Variants in ANK3 observed in about 807,000 individuals in gnomAD.
ANK3 encodes ankyrin-3.
Under a neutral mutation model 370.9 loss-of-function variants are expected in ANK3, and 57 were observed. The ratio of observed to expected loss-of-function variants is 0.15; its 90% CI spans 0.12 to 0.19. The LOEUF (loss-of-function observed/expected upper bound fraction) is 0.19. ANK3 is among the 10% of genes least tolerant of loss of function. ANK3 has a pLI of 1.00. For synonymous variants in ANK3, 1,929 were observed against 1,946.3 expected, an observed-to-expected ratio of 0.99 and a Z score of 0.23; for missense variants, 4,439 against 5,302.1, an observed-to-expected ratio of 0.84 and a Z score of 5.06.
At chr10:60,453,689 C>G (rs2064669487) in intron 2 of ANK3, among the ~76,000 whole-genome samples, 1 of 151,900 alleles carries the variant, frequency 6.6e-6, no homozygotes. Context: ...GACACTGGAC[C>G]AAACTGATAG....
intron 1 of ANK3, among the ~76,000 whole-genome samples, chr10:60,289,541 T>A (rs2040855808): frequency 6.6e-6 from 1 of 151,846 alleles, no homozygotes. Flanking sequence ...GCCTTCCAAG[T>A]AGTTGGCACC....
At chr10:60,123,122 G>A (rs10733758) in intron 25 of ANK3, among the ~76,000 whole-genome samples, 103,324 of 152,014 alleles carry the variant, frequency 0.68, 36,072 homozygotes, top group East Asian at 0.93. Flanking sequence ...TAGGCAATAC[G>A]AAGTCAACAC....
chr10:60,415,653 A>G (rs2063646591), intron 2 of ANK3, among the ~76,000 whole-genome samples: 1 of 152,122 alleles, frequency 6.6e-6, no homozygotes, highest in African/African-American at 2.4e-5. Context: ...GTTATACTCA[A>G]ATGAACCTGT....
At chr10:60,435,944 G>A (rs1461880665) in intron 2 of ANK3, among the ~76,000 whole-genome samples, 1 of 152,144 alleles carries the variant, frequency 6.6e-6, no homozygotes, top group East Asian at 1.9e-4. Flanking sequence ...AAAATTAGCC[G>A]GGCGCAGTGG....
rs559224951 is a variant in ANK3 at position 60,369,194 on chromosome 10, A to G, written c.114+20231T>C. On this transcript the variant is annotated intron_variant, in intron 1 of 43. Coordinates refer to ENST00000280772, the MANE Select transcript of ANK3 (RefSeq NM_020987.5). ...ACATATAATTGTAAAGCAAATAAGC[A>G]AATAAAATGAACATCTTTGGCTGCA... 3.2e-4 allele frequency among the ~76,000 whole-genome samples: 49 copies of G among 152,368 alleles called. No individual in the cohort carries two copies. The South Asian group carries it at 9.7e-3, about 30-fold the overall frequency.
intron 2 of ANK3, among the ~76,000 whole-genome samples, chr10:60,520,189 C>A (rs974167858): frequency 6.6e-6 from 1 of 152,040 alleles, no homozygotes; most frequent in Non-Finnish European, 1.5e-5. Context: ...AAACAGAAAA[C>A]CAAATTCTGC....
chr10:60,072,153 T>C lies in ANK3; in HGVS notation c.8728A>G (p.Asn2910Asp), dbSNP rs753149099. 6.2e-7 allele frequency: 1 copy of C among 1,613,788 alleles called. No homozygotes were observed. The highest frequency in any genetic ancestry group is 8.5e-7 in the Non-Finnish European group (1 of 1,179,998). Reference protein sequence around the residue: ...VTERERKLLTNGSLSEIKEMT... With the variant: ...VTERERKLLTDGSLSEIKEMT... ...TCTTTAATTTCTGAGAGAGAGCCGTTTGTTAACAATTTGCGTTCTCTCTCA... is the reference window on the plus strand; with the variant it reads ...TCTTTAATTTCTGAGAGAGAGCCGTCTGTTAACAATTTGCGTTCTCTCTCA... The change falls in exon 37 of 44, where the codon AAC becomes GAC. Residue 2910 changes from asparagine to aspartate, a missense_variant. Coordinates refer to ENST00000280772, the MANE Select transcript of ANK3 (RefSeq NM_020987.5).
In ANK3 at chr10:60,069,904, C is replaced by T. The variant is rs773441919; in HGVS notation, c.10977G>A (p.Gln3659=). The T allele has an allele frequency of 1.9e-6, 3 of 1,613,824 alleles. No individual in the cohort carries two copies. The highest frequency in any genetic ancestry group is 2.7e-5 in the African/African-American group (2 of 74,924). The change falls in exon 37 of 44, where the codon CAG becomes CAA. Residue 3659 remains glutamine (Q), a synonymous_variant. Transcript: ENST00000280772. ...CTACAGTGGTGTCCCCTGACTGTGG[C>T]TGTGGTGTGGCAGTGACCATACTTT... ...GDKSMVTATP[Q]PQSGDTTVET...
At chr10:60,499,739 T>C (rs1430473308) in intron 2 of ANK3, among the ~76,000 whole-genome samples, 2 of 152,212 alleles carry the variant, frequency 1.3e-5, no homozygotes, top group Admixed American at 6.5e-5. Flanking sequence ...GGCTTGGCCA[T>C]GCTTGGTGAA....
chr10:60,340,569 A>T (rs2054037726), intron 1 of ANK3, among the ~76,000 whole-genome samples: 1 of 151,884 alleles, frequency 6.6e-6, no homozygotes, highest in Non-Finnish European at 1.5e-5. Context: ...GTGCCAAAAC[A>T]CCTGGCTAAT....
chr10:60,275,951 ATTAAGGAC>A (rs1346268653), intron 4 of ANK3, among the ~76,000 whole-genome samples: 2 of 152,216 alleles, frequency 1.3e-5, no homozygotes, highest in Non-Finnish European at 2.9e-5. Context: ...AATATAAAGT[ATTAAGGAC>A]TTAATAATAG....
chr10:60,160,705 TC>T (rs1388090651), intron 23 of ANK3, among the ~76,000 whole-genome samples: 7 of 152,034 alleles, frequency 4.6e-5, no homozygotes, highest in African/African-American at 1.7e-4. Flanking sequence ...TTCAACATGA[TC>T]AAGTGGGATT....
At chr10:60,343,895 A>G (rs1034388222) in intron 1 of ANK3, among the ~76,000 whole-genome samples, 4 of 152,210 alleles carry the variant, frequency 2.6e-5, no homozygotes, top group East Asian at 1.9e-4. Flanking sequence ...TAGTTCCAAC[A>G]AGTCCCCAAG....
intron 1 of ANK3, among the ~76,000 whole-genome samples, chr10:60,324,754 C>G (rs945300475): frequency 6.6e-6 from 1 of 152,184 alleles, no homozygotes; most frequent in African/African-American, 2.4e-5. Flanking sequence ...CCATGCCACT[C>G]AGCGATTCAC....
chr10:60,463,769 T>G (rs764608720), intron 2 of ANK3, among the ~76,000 whole-genome samples: 1 of 152,092 alleles, frequency 6.6e-6, no homozygotes, highest in Non-Finnish European at 1.5e-5. Context: ...TTTCTACTTT[T>G]TTTTGGAGCC....
chr10:60,395,593 T>A (rs914019721), intron 2 of ANK3, among the ~76,000 whole-genome samples: 131 of 124,810 alleles, frequency 1.0e-3, no homozygotes, highest in African/African-American at 4.2e-3. Flanking sequence ...TCTTTCTTTC[T>A]TTCTTTCTTT....
chr10:60,467,872 G>C (rs1408369244), intron 2 of ANK3, among the ~76,000 whole-genome samples: 1 of 151,910 alleles, frequency 6.6e-6, no homozygotes, highest in Non-Finnish European at 1.5e-5. Context: ...TAAATACGGA[G>C]CTGCAAGTCA....
Position 60,556,267 on chromosome 10 carries a change from G to T in ANK3, c.96+58919C>A, listed in dbSNP as rs533636660. On this transcript the variant is annotated intron_variant, in intron 2 of 43. Coordinates refer to the ANK3 transcript ENST00000373827. ...GAGAAGAAACCTTAAGCCAGCTGTA[G>T]CTAAGTGCACCATCTATTTTCCGGC... Among the ~76,000 whole-genome samples, 3 of 152,294 alleles carry T rather than the reference G, an allele frequency of 2.0e-5. No homozygotes were observed. The South Asian group carries it at 6.2e-4, about 32-fold the overall frequency.
At chr10:60,191,287 A>G (rs2132384211) in intron 16 of ANK3, among the ~76,000 whole-genome samples, 1 of 152,290 alleles carries the variant, frequency 6.6e-6, no homozygotes, top group Middle Eastern at 3.4e-3. Flanking sequence ...TAATCAACAG[A>G]GTGAACCAGG....
Sources: allele counts gnomAD v4.1 joint callset (sites outside exome capture counted in the v4.1 genomes callset), GRCh38; gene constraint gnomAD v4.1.1; transcripts MANE v1.5; gene names NCBI Gene and HGNC (gene_info 2026-07-23, HGNC 2026-07-21).